Variants in VEZT observed in about 807,000 individuals in gnomAD.
The protein encoded by VEZT is vezatin.
Under a neutral mutation model 79.9 loss-of-function variants are expected in VEZT, and 39 were observed. The observed-to-expected ratio is 0.49, with a 90% CI of 0.38 to 0.64. The LOEUF (loss-of-function observed/expected upper bound fraction) is 0.64, where lower values mean the gene tolerates loss of function less well. VEZT is among the 30% of genes least tolerant of loss of function. The pLI is 0.00. For missense variants in VEZT, 837 were observed against 893.1 expected (o/e 0.94, Z 0.80); for synonymous variants, 325 against 327.6 (o/e 0.99, Z 0.09).
intron 1 of VEZT, among the ~76,000 whole-genome samples, chr12:95,249,322 G>C (rs2062156617): frequency 6.6e-6 from 1 of 152,042 alleles, no homozygotes; most frequent in South Asian, 2.1e-4. Context: ...AGTATGTAAG[G>C]TCGGCCCAAA....
intron 3 of VEZT, among the ~76,000 whole-genome samples, chr12:95,262,005 C>T (rs929909465): frequency 5.3e-5 from 8 of 152,216 alleles, no homozygotes; most frequent in Admixed American, 2.0e-4. Flanking sequence ...CTAATATCGA[C>T]GACTCACACT....
chr12:95,254,488 A>AGGCAC (rs2063151623), intron 2 of VEZT, among the ~76,000 whole-genome samples: 1 of 151,854 alleles, frequency 6.6e-6, no homozygotes, highest in Non-Finnish European at 1.5e-5. Context: ...CTGGGATTAC[A>AGGCAC]GGCACAGGCC....
At chr12:95,274,502 T>C (rs760113139) in intron 6 of VEZT, among the ~76,000 whole-genome samples, 3 of 152,116 alleles carry the variant, frequency 2.0e-5, no homozygotes, top group Non-Finnish European at 4.4e-5. Flanking sequence ...TTTAACCCTT[T>C]TGAAGACTTG....
At position 95,270,073 on chromosome 12, in the gene VEZT, A is replaced by G. The variant is rs766443516; in HGVS notation, c.733A>G (p.Asn245Asp). The change falls in exon 6 of 12, where the codon AAT (asparagine) becomes GAT (aspartate). Residue 245 changes from asparagine (N) to aspartate (D), a missense_variant. Coordinates refer to ENST00000436874, the MANE Select transcript of VEZT (RefSeq NM_017599.4). ...CAGGGTCAGTGCTGCTTGCCCATTT[A>G]ATAAAGCTGGACAGCATCCAAGTCA... ...FTLVSAACPF[N>D]KAGQHPSQHL... The G allele has an allele frequency of 2.1e-5, 34 of 1,611,428 alleles. No individual in the cohort carries two copies. In the South Asian group the frequency reaches 3.5e-4, roughly 17 times the overall value.
chr12:95,267,423 A>G (rs966431945), intron 5 of VEZT, among the ~76,000 whole-genome samples: 2 of 149,254 alleles, frequency 1.3e-5, no homozygotes, highest in Non-Finnish European at 2.9e-5. Flanking sequence ...TATAACCTAT[A>G]TAACTTTTGC....
At chr12:95,233,656 C>T (rs1417559181) in intron 1 of VEZT, among the ~76,000 whole-genome samples, 1 of 152,164 alleles carries the variant, frequency 6.6e-6, no homozygotes, top group Non-Finnish European at 1.5e-5. Flanking sequence ...CCCACCTCGG[C>T]CTCCCAAAGT....
intron 1 of VEZT, among the ~76,000 whole-genome samples, chr12:95,250,497 T>C (rs900651802): frequency 1.3e-5 from 2 of 151,686 alleles, no homozygotes; most frequent in African/African-American, 4.8e-5. Flanking sequence ...GAGACAGGGT[T>C]TCACCATGTT....
At chr12:95,239,390 A>G (rs1353109228) in intron 1 of VEZT, among the ~76,000 whole-genome samples, 1 of 152,216 alleles carries the variant, frequency 6.6e-6, no homozygotes, top group Non-Finnish European at 1.5e-5. Flanking sequence ...GGCTAGTGAT[A>G]AAGGAGTAAA....
At chr12:95,276,982 T>C (rs1357506149) in intron 7 of VEZT, among the ~76,000 whole-genome samples, 1 of 152,108 alleles carries the variant, frequency 6.6e-6, no homozygotes, top group Non-Finnish European at 1.5e-5. Flanking sequence ...TGAAAATGTA[T>C]TTTAAACCCA....
intron 2 of VEZT, among the ~76,000 whole-genome samples, chr12:95,253,194 T>C (rs1409024776): frequency 1.3e-5 from 2 of 152,226 alleles, no homozygotes; most frequent in Non-Finnish European, 2.9e-5. Context: ...TCCTCATTCC[T>C]TGAGCATTCT....
At chr12:95,277,232 A>G (rs1357706360) in intron 7 of VEZT, among the ~76,000 whole-genome samples, 1 of 152,246 alleles carries the variant, frequency 6.6e-6, no homozygotes, top group Non-Finnish European at 1.5e-5. Flanking sequence ...TAAACTTTAT[A>G]TACCAAGCTG....
In VEZT at chr12:95,302,705, T is replaced by G. The variant is rs752571353; in HGVS notation, c.*2032T>G. 3.3e-5 allele frequency: 5 copies of G among 152,198 alleles called. No individual in the cohort carries two copies. The highest frequency in any genetic ancestry group is 5.9e-5 in the Non-Finnish European group (4 of 68,030). 9.4% of individuals were successfully genotyped at this position (152,198 alleles called of 1,614,324 possible). ...AAGTCTTATTTTTAAAATGCAAATT[T>G]TAGACCATACTCCCAGTGATTCTTA... On this transcript the variant is annotated 3_prime_UTR_variant, in exon 12 of 12. Transcript: ENST00000436874.
At chr12:95,228,699 G>T (rs550630868) in intron 1 of VEZT, among the ~76,000 whole-genome samples, 27 of 152,198 alleles carry the variant, frequency 1.8e-4, no homozygotes, top group African/African-American at 5.5e-4. Flanking sequence ...TGACATCAAA[G>T]ATTGACCATT....
intron 1 of VEZT, among the ~76,000 whole-genome samples, chr12:95,234,296 T>C (rs2136981813): frequency 1.3e-5 from 2 of 151,052 alleles, no homozygotes; most frequent in East Asian, 3.9e-4. Context: ...TTTTTTTTTT[T>C]TTTTTTTTGA....
intron 1 of VEZT, among the ~76,000 whole-genome samples, chr12:95,251,551 G>C (rs953428746): frequency 2.0e-5 from 3 of 152,046 alleles, no homozygotes; most frequent in African/African-American, 7.2e-5. Flanking sequence ...AATTATTCTT[G>C]GCTTTGAGTA....
chr12:95,273,123 A>C (rs1040937381), intron 6 of VEZT, among the ~76,000 whole-genome samples: 1 of 152,202 alleles, frequency 6.6e-6, no homozygotes, highest in African/African-American at 2.4e-5. Context: ...AAGAATACTC[A>C]ATTTTAAAAA....
At chr12:95,218,151 G>T (rs1348887772) in intron 1 of VEZT, 7 of 341,596 alleles carry the variant, frequency 2.0e-5, no homozygotes, top group Non-Finnish European at 3.7e-5. Context: ...GGGCTGGAGC[G>T]GTGTCTCTTC....
chr12:95,247,548 AAAT>A (rs2061889898), intron 1 of VEZT, among the ~76,000 whole-genome samples: 1 of 152,258 alleles, frequency 6.6e-6, no homozygotes, highest in East Asian at 1.9e-4. Context: ...TTTTCAAGTA[AAAT>A]AATAAGTTTT....
At chr12:95,226,554 CAA>C (rs1192813057) in intron 1 of VEZT, among the ~76,000 whole-genome samples, 1 of 152,166 alleles carries the variant, frequency 6.6e-6, no homozygotes, top group Non-Finnish European at 1.5e-5. Flanking sequence ...AATATTCCAA[CAA>C]CATCCCTTCC....
Sources: gnomAD v4.1 joint callset for allele counts (sites outside exome capture counted in the v4.1 genomes callset) on GRCh38, gnomAD v4.1.1 for gene constraint, MANE v1.5 for transcripts, NCBI Gene and HGNC (gene_info 2026-07-23, HGNC 2026-07-21) for gene names.